The following ELL variants were observed in gnomAD, a reference collection of about 807,000 sequenced individuals.
ELL encodes elongation factor for RNA polymerase II, also known as RNA polymerase II elongation factor ELL.
ELL carries 18 observed loss-of-function variants against 64.0 expected under a neutral mutation model. The observed-to-expected ratio is 0.28, with a 90% CI of 0.19 to 0.42. ELL has a LOEUF of 0.42. Ranked by LOEUF, ELL falls within the 10% of genes least tolerant of loss-of-function variation. ELL has a pLI of 1.00. For synonymous variants in ELL, 399 were observed against 376.2 expected (o/e 1.06, Z -0.70); for missense variants, 797 against 870.4 (o/e 0.92, Z 1.06).
At chr19:18,491,421 T>C (rs966716095) in intron 1 of ELL, among the ~76,000 whole-genome samples, 3 of 151,832 alleles carry the variant, frequency 2.0e-5, no homozygotes, top group South Asian at 4.2e-4. Context: ...CCAAAATCAG[T>C]AGACTTTGAG....
chr19:18,509,589 GCGCGCACATACACACACA>G lies in ELL; in HGVS notation c.135+12314_135+12331del, dbSNP rs1188298717. The stretch of plus-strand genomic sequence containing the variant: ...GACACAGGCCAATGCACGTGCGCGC[GCGCGCACATACACACACA>G]CACACACACACACACACACACACAC... On this transcript the variant is annotated intron_variant, in intron 1 of 11. Coordinates refer to ENST00000262809, the MANE Select transcript of ELL (RefSeq NM_006532.4). Among the ~76,000 whole-genome samples, 45 of 110,170 alleles carry G rather than the reference GCGCGCACATACACACACA, an allele frequency of 4.1e-4. 1 individual carries two copies. Among genetic ancestry groups the G allele is most frequent in the Admixed American group, 2.5e-3 (28 of 11,394 alleles). The allele number at this position is 110,170 out of a possible 152,430, so 72.3% of individuals were successfully genotyped here.
chr19:18,509,593 G>GCGCGCGCGCGCGCACACA (rs1438642062), intron 1 of ELL, among the ~76,000 whole-genome samples: 16 of 83,278 alleles, frequency 1.9e-4, no homozygotes, highest in Non-Finnish European at 1.7e-4. Flanking sequence ...GCGCGCGCGC[G>GCGCGCGCGCGCGCACACA]CACATACACA....
At chr19:18,472,723 G>C in intron 2 of ELL, 112 bp downstream of exon 2, 1 of 1,333,342 alleles carries the variant, frequency 7.5e-7, no homozygotes, top group Non-Finnish European at 1.0e-6. Context: ...CATGGTGGCA[G>C]ACAGGGCCCA....
chr19:18,499,298 A>G (rs889780566), intron 1 of ELL, among the ~76,000 whole-genome samples: 1 of 152,184 alleles, frequency 6.6e-6, no homozygotes, highest in Non-Finnish European at 1.5e-5. Flanking sequence ...ATGATCTGCC[A>G]TTTAAAAGCT....
chr19:18,502,915 C>T (rs1044012262), intron 1 of ELL, among the ~76,000 whole-genome samples: 3 of 152,220 alleles, frequency 2.0e-5, no homozygotes, highest in African/African-American at 4.8e-5. Flanking sequence ...AGCAGAGCTT[C>T]GGTTATTAAC....
intron 1 of ELL, among the ~76,000 whole-genome samples, chr19:18,489,849 A>AAGGGGAGTTCC (rs1271279595): frequency 6.6e-6 from 1 of 152,044 alleles, no homozygotes; most frequent in East Asian, 1.9e-4. Flanking sequence ...TTCCCACCTA[A>AAGGGGAGTTCC]AGGGGAGTTC....
intron 1 of ELL, among the ~76,000 whole-genome samples, chr19:18,518,714 C>G (rs1976184893): frequency 6.6e-6 from 1 of 151,220 alleles, no homozygotes. Context: ...TCACTTGAAC[C>G]CGGGAGGCGG....
At chr19:18,456,054 G>A (rs1974666908) in intron 6 of ELL, among the ~76,000 whole-genome samples, 4 of 150,920 alleles carry the variant, frequency 2.7e-5, no homozygotes, top group Admixed American at 1.3e-4. Context: ...CCGAGATCGC[G>A]CCATTGCACT....
At chr19:18,493,345 C>G (rs1600485126) in intron 1 of ELL, among the ~76,000 whole-genome samples, 1 of 152,220 alleles carries the variant, frequency 6.6e-6, no homozygotes, top group South Asian at 2.1e-4. Flanking sequence ...TGCTGCGGCC[C>G]TGAGGGGCTT....
chr19:18,453,447 T>C (rs1255802013), intron 6 of ELL, among the ~76,000 whole-genome samples: 1 of 152,182 alleles, frequency 6.6e-6, no homozygotes, highest in Non-Finnish European at 1.5e-5. Flanking sequence ...AGACACTGGC[T>C]ACTCTGGGCA....
At chr19:18,455,825 G>A (rs1325030033) in intron 6 of ELL, among the ~76,000 whole-genome samples, 1 of 150,900 alleles carries the variant, frequency 6.6e-6, no homozygotes, top group Non-Finnish European at 1.5e-5. Context: ...CCAGCTGGGC[G>A]CGGTGGCTCA....
At chr19:18,482,761 T>TGGTGG (rs1454758564) in intron 1 of ELL, among the ~76,000 whole-genome samples, 6 of 141,352 alleles carry the variant, frequency 4.2e-5, no homozygotes, top group African/African-American at 1.8e-4. Context: ...ATCTTTTTGG[T>TGGTGG]TTTTGTTGTT....
Position 18,465,434 on chromosome 19 carries a change from G to A in ELL, c.447C>T (p.Ile149=). The change falls in exon 4 of 12, where the codon ATC becomes ATT. Residue 149 remains isoleucine, a synonymous_variant. Coordinates refer to ENST00000262809, the MANE Select transcript of ELL (RefSeq NM_006532.4). Reference sequence around the variant, plus strand: ...CACCCAGGTAGCGGCCTCCAGCCTTGATGACAATGGCACTTCGGCTCCGCG... The same window carrying A: ...CACCCAGGTAGCGGCCTCCAGCCTTAATGACAATGGCACTTCGGCTCCGCG... ...EETRSRSAIV[I]KAGGRYLGKK... is the part of the protein sequence containing the mutation. 1 of 1,607,422 alleles carries A rather than the reference G, an allele frequency of 6.2e-7. No homozygotes were observed. The highest frequency in any genetic ancestry group is 8.5e-7 in the Non-Finnish European group (1 of 1,175,164).
chr19:18,448,082 G>A (rs2144888640), intron 8 of ELL, among the ~76,000 whole-genome samples: 1 of 151,488 alleles, frequency 6.6e-6, no homozygotes, highest in African/African-American at 2.4e-5. Flanking sequence ...CACCACACCT[G>A]GCGAATTTTT....
At chr19:18,512,428 A>C (rs1461077303) in intron 1 of ELL, among the ~76,000 whole-genome samples, 2 of 152,190 alleles carry the variant, frequency 1.3e-5, no homozygotes, top group African/African-American at 4.8e-5. Flanking sequence ...GCTTCAGCTC[A>C]GAAGTTCAAG....
chr19:18,484,262 G>A (rs534945795), intron 1 of ELL, among the ~76,000 whole-genome samples: 49 of 152,268 alleles, frequency 3.2e-4, no homozygotes, highest in African/African-American at 1.1e-3. Flanking sequence ...TCAAGAGTTC[G>A]AGACCAGCCT....
At chr19:18,487,297 G>A (rs1434964836) in intron 1 of ELL, among the ~76,000 whole-genome samples, 1 of 152,226 alleles carries the variant, frequency 6.6e-6, no homozygotes, top group African/African-American at 2.4e-5. Flanking sequence ...AGTGAGGACA[G>A]AGCAAGCGTT....
chr19:18,478,189 A>T (rs961017092), intron 1 of ELL, among the ~76,000 whole-genome samples: 3 of 152,142 alleles, frequency 2.0e-5, no homozygotes, highest in African/African-American at 7.2e-5. Context: ...CAGAGCCAAC[A>T]TGCGTGGTGT....
At position 18,461,631 on chromosome 19, in the gene ELL, T is replaced by C. The variant is rs1974816335; in HGVS notation, c.691A>G (p.Lys231Glu). 6.2e-7 allele frequency: 1 copy of C among 1,610,964 alleles called. No individual in the cohort carries two copies. Among genetic ancestry groups the C allele is most frequent in the Non-Finnish European group, 8.5e-7 (1 of 1,179,914 alleles). The change falls in exon 5 of 12, where the codon AAG (lysine) becomes GAG (glutamate). Residue 231 changes from lysine (K) to glutamate (E), a missense_variant. Lys to Glu is a moderately conservative substitution (Grantham distance 56). Transcript: ENST00000262809. Reference sequence around the variant, plus strand: ...TTGTCCGCCTGCGTCAGGCCGTCCTTCTGCAGTCGCAGCAGCAGCTCAGCC... The same window carrying C: ...TTGTCCGCCTGCGTCAGGCCGTCCTCCTGCAGTCGCAGCAGCAGCTCAGCC... ...RKAELLLRLQ[K>E]DGLTQADKDA...
Sources: gnomAD v4.1 joint callset for allele counts (sites outside exome capture counted in the v4.1 genomes callset) on GRCh38, gnomAD v4.1.1 for gene constraint, MANE v1.5 for transcripts, NCBI Gene and HGNC (gene_info 2026-07-23, HGNC 2026-07-21) for gene names.